EYS: variants seen among roughly 807,000 people sequenced by gnomAD.
EYS encodes the protein protein eyes shut homolog.
EYS carries 250 observed loss-of-function variants against 282.1 expected under a neutral mutation model. The observed-to-expected ratio is 0.89, with a 90% CI of 0.80 to 0.98. The LOEUF (loss-of-function observed/expected upper bound fraction) is 0.98, where lower values mean the gene tolerates loss of function less well. EYS is among the 50% of genes least tolerant of loss of function. EYS has a pLI of 0.00. For missense variants in EYS, 4,016 were observed against 3,709.0 expected (o/e 1.08, Z -2.15); for synonymous variants, 1,355 against 1,282.9 (o/e 1.06, Z -1.20).
chr6:64,534,950 C>T (rs977919936), intron 26 of EYS, among the ~76,000 whole-genome samples: 2 of 152,162 alleles, frequency 1.3e-5, no homozygotes, highest in African/African-American at 4.8e-5. Flanking sequence ...TACACATACA[C>T]ATAACACCTA....
intron 22 of EYS, among the ~76,000 whole-genome samples, chr6:64,764,801 T>C (rs548980612): frequency 1.3e-5 from 2 of 152,296 alleles, no homozygotes; most frequent in East Asian, 3.9e-4. Flanking sequence ...TGCAATGGTA[T>C]GATCTTGGCT....
intron 31 of EYS, among the ~76,000 whole-genome samples, chr6:64,221,376 T>A (rs1361111088): frequency 6.6e-6 from 1 of 152,128 alleles, no homozygotes; most frequent in African/African-American, 2.4e-5. Context: ...GCTCCCTTTT[T>A]CTTTTTCTCT....
intron 41 of EYS, among the ~76,000 whole-genome samples, chr6:63,751,221 G>A (rs1006990526): frequency 6.6e-6 from 1 of 152,116 alleles, no homozygotes; most frequent in Non-Finnish European, 1.5e-5. Flanking sequence ...AAGGCTATGA[G>A]TTTAAATGGA....
At chr6:64,559,304 T>C (rs945467871) in intron 26 of EYS, among the ~76,000 whole-genome samples, 5 of 150,362 alleles carry the variant, frequency 3.3e-5, no homozygotes, top group African/African-American at 1.2e-4. Context: ...TGTGTGTGTG[T>C]GCTTTTAGAG....
At chr6:64,415,251 G>T (rs1030043728) in intron 28 of EYS, among the ~76,000 whole-genome samples, 3 of 152,190 alleles carry the variant, frequency 2.0e-5, no homozygotes, top group African/African-American at 7.2e-5. Context: ...TGTTTTTCAT[G>T]TAACTATAGG....
intron 36 of EYS, among the ~76,000 whole-genome samples, chr6:63,816,655 A>C (rs889279025): frequency 2.0e-5 from 3 of 152,192 alleles, no homozygotes; most frequent in African/African-American, 7.2e-5. Flanking sequence ...TAATTTCTAA[A>C]TATTACTCTC....
intron 11 of EYS, among the ~76,000 whole-genome samples, chr6:65,320,307 A>G (rs1489228376): frequency 6.6e-6 from 1 of 152,074 alleles, no homozygotes; most frequent in African/African-American, 2.4e-5. Flanking sequence ...TGATAAGGGC[A>G]TGGTGACCAG....
intron 15 of EYS, among the ~76,000 whole-genome samples, chr6:64,931,899 A>G (rs1768738520): frequency 6.6e-6 from 1 of 152,088 alleles, no homozygotes; most frequent in Admixed American, 6.6e-5. Context: ...ACCCATATTT[A>G]TTCTCCTTCT....
At chr6:64,191,266 C>T (rs1765094510) in intron 31 of EYS, among the ~76,000 whole-genome samples, 1 of 151,842 alleles carries the variant, frequency 6.6e-6, no homozygotes, top group African/African-American at 2.4e-5. Context: ...TACCTTCACA[C>T]CATAGGGAAA....
intron 33 of EYS, among the ~76,000 whole-genome samples, chr6:64,065,103 C>T (rs1213089734): frequency 6.6e-6 from 1 of 152,190 alleles, no homozygotes; most frequent in Non-Finnish European, 1.5e-5. Context: ...TACTGAGTAT[C>T]TCCTATTTGT....
intron 12 of EYS, among the ~76,000 whole-genome samples, chr6:65,220,697 C>T (rs1389228928): frequency 1.3e-5 from 2 of 152,028 alleles, no homozygotes; most frequent in Non-Finnish European, 2.9e-5. Flanking sequence ...ATGGAAGTGA[C>T]TTTGGAACTG....
intron 33 of EYS, among the ~76,000 whole-genome samples, chr6:64,031,973 A>G (rs1769868119): frequency 6.6e-6 from 1 of 152,060 alleles, no homozygotes; most frequent in Non-Finnish European, 1.5e-5. Flanking sequence ...TACTCTTTGC[A>G]ATGAATCTTG....
At chr6:65,145,115 C>T (rs1445202009) in intron 12 of EYS, among the ~76,000 whole-genome samples, 1 of 149,052 alleles carries the variant, frequency 6.7e-6, no homozygotes, top group East Asian at 1.9e-4. Context: ...ACCTTAATAA[C>T]TACCTCCTTT....
intron 28 of EYS, among the ~76,000 whole-genome samples, chr6:64,431,075 C>CAA (rs1774562153): frequency 6.6e-6 from 1 of 152,068 alleles, no homozygotes; most frequent in Non-Finnish European, 1.5e-5. Context: ...TTGCCAGGAG[C>CAA]AAAGACCTTG....
chr6:64,584,371 TATG>T (rs1429863194), intron 26 of EYS, among the ~76,000 whole-genome samples: 3 of 151,706 alleles, frequency 2.0e-5, no homozygotes, highest in Admixed American at 1.3e-4. Context: ...GCCACCATAT[TATG>T]ATAATAGTTG....
intron 26 of EYS, among the ~76,000 whole-genome samples, chr6:64,470,108 C>T (rs1366112989): frequency 3.3e-5 from 5 of 151,978 alleles, no homozygotes; most frequent in Admixed American, 6.6e-5. Context: ...CAATAAATAT[C>T]AGCGCAGCCT....
At chr6:64,648,584 T>G (rs1768439088) in intron 22 of EYS, among the ~76,000 whole-genome samples, 1 of 152,150 alleles carries the variant, frequency 6.6e-6, no homozygotes, top group African/African-American at 2.4e-5. Context: ...ACACAGTACT[T>G]CTAAGAGTGC....
At chr6:65,706,528 C>T (rs1769885599) in intron 1 of EYS, among the ~76,000 whole-genome samples, 1 of 151,922 alleles carries the variant, frequency 6.6e-6, no homozygotes, top group Admixed American at 6.6e-5. Flanking sequence ...AATAATCACA[C>T]TACAGCTGTT....
At chr6:64,048,421 A>G (rs1770698688) in intron 33 of EYS, among the ~76,000 whole-genome samples, 1 of 152,072 alleles carries the variant, frequency 6.6e-6, no homozygotes, top group South Asian at 2.1e-4. Context: ...GGGATGTGGT[A>G]TATGAGGGAG....
Sources: allele counts gnomAD v4.1 joint callset (sites outside exome capture counted in the v4.1 genomes callset), GRCh38; gene constraint gnomAD v4.1.1; transcripts MANE v1.5; gene names NCBI Gene and HGNC (gene_info 2026-07-23, HGNC 2026-07-21).